The following COQ2 variants were observed in gnomAD, a reference collection of about 807,000 sequenced individuals.
COQ2 encodes 4-hydroxybenzoate polyprenyltransferase, mitochondrial.
Under a neutral mutation model 35.7 loss-of-function variants are expected in COQ2, and 25 were observed. The observed-to-expected ratio is 0.70, with a 90% CI of 0.51 to 0.98. COQ2 has a LOEUF of 0.98. COQ2 is among the 50% of genes least tolerant of loss of function. The probability of loss-of-function intolerance (pLI) is 0.00; values close to 1 mark genes in which losing one functional copy is unlikely to be tolerated. For missense variants in COQ2, 488 were observed against 473.5 expected (o/e 1.03, Z -0.28); for synonymous variants, 206 against 186.2 (o/e 1.11, Z -0.86).
At chr4:83,271,593 G>A (rs1206666787) in intron 4 of COQ2, among the ~76,000 whole-genome samples, 2 of 152,132 alleles carry the variant, frequency 1.3e-5, no homozygotes, top group Non-Finnish European at 2.9e-5. Context: ...CAGGCAGATC[G>A]CTTGAGCTCA....
chr4:83,265,965 G>A (rs72936006), intron 6 of COQ2, among the ~76,000 whole-genome samples: 5,168 of 152,136 alleles, frequency 0.034, 297 homozygotes, highest in African/African-American at 0.12. Context: ...GCGCCTGGCC[G>A]AATATTCCTT....
At chr4:83,283,526 A>T in intron 1 of COQ2, 4 of 985,416 alleles carry the variant, frequency 4.1e-6, no homozygotes, top group Non-Finnish European at 4.8e-6. Context: ...TTTGGAGTAT[A>T]ATTTCTTCTC....
intron 2 of COQ2, among the ~76,000 whole-genome samples, chr4:83,276,332 C>T (rs949988770): frequency 2.0e-5 from 3 of 151,974 alleles, no homozygotes; most frequent in Admixed American, 6.6e-5. Context: ...TATTTTCTCC[C>T]ATTCTGCAGG....
Position 83,284,534 on chromosome 4 carries a change from G to A in COQ2, c.231C>T (p.Leu77=). 2 of 1,577,094 alleles carry A rather than the reference G, an allele frequency of 1.3e-6. No individual in the cohort carries two copies. The highest frequency in any genetic ancestry group is 1.2e-5 in the South Asian group (1 of 86,412). The change falls in exon 1 of 7, where the codon CTC becomes CTT. Residue 77 remains leucine (L), a synonymous_variant. Coordinates refer to ENST00000647002, the MANE Select transcript of COQ2 (RefSeq NM_001358921.2). ...APRPLQPYLR[L]MRLDKPIGTW... is the part of the protein sequence containing the mutation. ...CACCAATGGGCTTGTCCAACCGCAT[G>A]AGGCGCAAGTACGGCTGCAGGGGGC...
At chr4:83,267,445 G>C in intron 6 of COQ2, 141 bp downstream of exon 6, 1 of 666,728 alleles carries the variant, frequency 1.5e-6, no homozygotes, top group Non-Finnish European at 2.5e-6. Context: ...CCGGAGGGCA[G>C]GGGGGTCTGT....
intron 5 of COQ2, among the ~76,000 whole-genome samples, chr4:83,269,036 A>G (rs74353568): frequency 0.062 from 9,458 of 152,272 alleles, 391 homozygotes; most frequent in Non-Finnish European, 0.093. Flanking sequence ...AAAGAAAAAA[A>G]TGAGTTTTTA....
intron 1 of COQ2, 43 bp from the exon 2 acceptor site, chr4:83,279,157 A>G (rs1259203944): frequency 6.7e-7 from 1 of 1,501,620 alleles, no homozygotes; most frequent in South Asian, 1.4e-5. Context: ...AATTTAAGTC[A>G]GTTAACTGTT....
intron 1 of COQ2, 131 bp downstream of exon 1, chr4:83,284,381 C>G: frequency 7.1e-7 from 1 of 1,414,344 alleles, no homozygotes; most frequent in East Asian, 3.0e-5. Flanking sequence ...GCACGGCACC[C>G]GGCAGCCAAG....
At chr4:83,266,354 C>CT (rs1239530583) in intron 6 of COQ2, among the ~76,000 whole-genome samples, 26 of 131,240 alleles carry the variant, frequency 2.0e-4, no homozygotes, top group Non-Finnish European at 2.5e-4. Context: ...TGAATATCTT[C>CT]TTTTTTTTTT....
intron 2 of COQ2, 61 bp downstream of exon 2, chr4:83,278,887 C>A: frequency 7.0e-7 from 1 of 1,436,972 alleles, no homozygotes. Context: ...AAAAGTGATA[C>A]CACTATGTTA....
intron 1 of COQ2, chr4:83,282,581 A>G: frequency 1.1e-6 from 1 of 931,822 alleles, no homozygotes; most frequent in Non-Finnish European, 1.3e-6. Context: ...AACATACACA[A>G]TCTGTAAGTA....
rs1735418727 is a variant in COQ2 at position 83,284,675 on chromosome 4, G to A, written c.90C>T (p.Ala30=). 6.8e-7 allele frequency: 1 copy of A among 1,469,474 alleles called. No individual in the cohort carries two copies. The highest frequency in any genetic ancestry group is 1.5e-5 in the African/African-American group (1 of 67,680). The allele number at this position is 1,469,474 out of a possible 1,614,324, so 91.0% of individuals were successfully genotyped here. Residue 30 remains alanine (A), a synonymous_variant, in exon 1 of 7, where the codon GCC becomes GCT. Transcript: ENST00000647002. ...GGGGCGCGCCTGCCGCACGCGCCAG[G>A]GCGAAGGAGCGGCCCCGCCAGCCCG... is the stretch of plus-strand genomic sequence containing the variant. ...WLPGWRGRSF[A]LARAAGAPHG...
chr4:83,272,212 A>G, intron 3 of COQ2, 40 bp from the exon 4 acceptor site: 1 of 1,311,312 alleles, frequency 7.6e-7, no homozygotes, highest in East Asian at 2.4e-5. Flanking sequence ...TATTACCACT[A>G]CCTCTTAGAA....
At chr4:83,270,710 A>T (rs1449070254) in intron 4 of COQ2, among the ~76,000 whole-genome samples, 1 of 152,100 alleles carries the variant, frequency 6.6e-6, no homozygotes, top group Non-Finnish European at 1.5e-5. Context: ...GTGGTCCCAT[A>T]GCACTCCTGC....
intron 1 of COQ2, 86 bp downstream of exon 1, chr4:83,284,426 C>A: frequency 6.9e-7 from 1 of 1,459,108 alleles, no homozygotes; most frequent in Non-Finnish European, 9.1e-7. Flanking sequence ...CATCACGCCC[C>A]GGCCGGCCGC....
chr4:83,283,531 C>G lies in COQ2; in HGVS notation c.253+981G>C, dbSNP rs115765517. 4.3e-4 allele frequency: 420 copies of G among 985,448 alleles called. 3 individuals carry two copies. The African/African-American group carries it at 7.0e-3, about 16-fold the overall frequency. 61.0% of individuals were successfully genotyped at this position (985,448 alleles called of 1,614,324 possible). On this transcript the variant is annotated intron_variant, in intron 1 of 6. Coordinates refer to ENST00000647002, the MANE Select transcript of COQ2 (RefSeq NM_001358921.2). ...CAACTTGTCCTTTGGAGTATAATTT[C>G]TTCTCGAAACTTTCCAGCAAGGGAT... is the stretch of plus-strand genomic sequence containing the variant.
rs550905245 is a variant in COQ2, at chr4:83,282,565, CT to C, written c.253+1946del. Reference sequence around the variant, plus strand: ...AGAACCAAACCATGCAGGCTGGTATCTTCCAAACATACACAATCTGTAAGTA... The same window carrying C: ...AGAACCAAACCATGCAGGCTGGTATCTCCAAACATACACAATCTGTAAGTA... On this transcript the variant is annotated intron_variant, in intron 1 of 6. Coordinates refer to ENST00000647002, the MANE Select transcript of COQ2 (RefSeq NM_001358921.2). 413 of 935,050 alleles carry C rather than the reference CT, an allele frequency of 4.4e-4. 5 individuals are homozygous for C. In the South Asian group the frequency reaches 0.018, roughly 41 times the overall value. The allele number at this position is 935,050 out of a possible 1,614,324, so 57.9% of individuals were successfully genotyped here. A position where few individuals can be genotyped will look rare whatever the true frequency, so the allele number is the denominator to read the frequency against.
At chr4:83,281,014 G>A (rs1337576508) in intron 1 of COQ2, among the ~76,000 whole-genome samples, 1 of 152,204 alleles carries the variant, frequency 6.6e-6, no homozygotes, top group Non-Finnish European at 1.5e-5. Context: ...CTGGAGTGCA[G>A]TAACAAGGTC....
At chr4:83,279,145 C>T in intron 1 of COQ2, 31 bp from the exon 2 acceptor site, 2 of 1,515,836 alleles carry the variant, frequency 1.3e-6, no homozygotes, top group Non-Finnish European at 1.8e-6. Flanking sequence ...AAAAAAGGTA[C>T]AAATTTAAGT....
Sources: gnomAD v4.1 joint callset for allele counts (sites outside exome capture counted in the v4.1 genomes callset) on GRCh38, gnomAD v4.1.1 for gene constraint, MANE v1.5 for transcripts, NCBI Gene and HGNC (gene_info 2026-07-23, HGNC 2026-07-21) for gene names.